Variants in EML5 observed in about 807,000 individuals in gnomAD.
EML5 encodes echinoderm microtubule-associated protein-like 5.
Under a neutral mutation model 250.0 loss-of-function variants are expected in EML5, and 120 were observed. The ratio of observed to expected loss-of-function variants is 0.48; its 90% CI spans 0.41 to 0.56. The LOEUF (loss-of-function observed/expected upper bound fraction) is 0.56. Among genes scored for constraint, EML5 ranks in the 20% least tolerant of loss-of-function variants. EML5 has a pLI of 0.00. For synonymous variants in EML5, 771 were observed against 806.5 expected (o/e 0.96, Z 0.75); for missense variants, 2,006 against 2,437.6 (o/e 0.82, Z 3.73).
At chr14:88,665,887 TAC>T (rs1454288409) in intron 21 of EML5, among the ~76,000 whole-genome samples, 1 of 151,778 alleles carries the variant, frequency 6.6e-6, no homozygotes, top group Non-Finnish European at 1.5e-5. Context: ...CAGCCTGGGT[TAC>T]AGAGTGAGAC....
At chr14:88,636,546 A>G (rs1285964813) in intron 32 of EML5, among the ~76,000 whole-genome samples, 1 of 152,204 alleles carries the variant, frequency 6.6e-6, no homozygotes, top group Non-Finnish European at 1.5e-5. Context: ...CTGTAGTCCC[A>G]GCTACTCAGG....
At chr14:88,662,339 GTTTTTTTTTT>G (rs71127000) in intron 24 of EML5, among the ~76,000 whole-genome samples, 8 of 55,658 alleles carry the variant, frequency 1.4e-4, no homozygotes, top group East Asian at 6.9e-4. Context: ...AATTTTTCTT[GTTTTTTTTTT>G]TTTTTTTTTT....
At chr14:88,635,936 C>T (rs2090700474) in intron 32 of EML5, among the ~76,000 whole-genome samples, 1 of 152,192 alleles carries the variant, frequency 6.6e-6, no homozygotes, top group African/African-American at 2.4e-5. Flanking sequence ...AAGGCCCTCA[C>T]CACAACTTGA....
intron 19 of EML5, among the ~76,000 whole-genome samples, chr14:88,686,353 G>A (rs1318664668): frequency 1.3e-5 from 2 of 151,912 alleles, no homozygotes; most frequent in Non-Finnish European, 1.5e-5. Context: ...GTATACATAT[G>A]TAACAAACCT....
intron 7 of EML5, among the ~76,000 whole-genome samples, chr14:88,731,525 A>C (rs954599108): frequency 3.0e-4 from 45 of 152,160 alleles, no homozygotes; most frequent in Admixed American, 2.2e-3. Flanking sequence ...GCCACAATAA[A>C]CATACGTGTG....
intron 4 of EML5, among the ~76,000 whole-genome samples, chr14:88,741,340 TA>T (rs1489821237): frequency 2.6e-5 from 4 of 152,200 alleles, no homozygotes; most frequent in Admixed American, 1.3e-4. Context: ...CAGCTCACTG[TA>T]ACTATAATAT....
intron 2 of EML5, 76 bp downstream of exon 2, chr14:88,754,432 TAATA>T (rs1339182124): frequency 7.9e-7 from 1 of 1,273,602 alleles, no homozygotes; most frequent in Non-Finnish European, 1.0e-6. Flanking sequence ...GTGTCCAATT[TAATA>T]TTTATAGATT....
intron 27 of EML5, among the ~76,000 whole-genome samples, chr14:88,650,976 T>C (rs866420294): frequency 1.1e-4 from 16 of 152,238 alleles, no homozygotes; most frequent in Middle Eastern, 6.8e-3. Context: ...TTCATATTTA[T>C]GACAGTAATA....
intron 33 of EML5, among the ~76,000 whole-genome samples, chr14:88,634,202 T>G (rs1290548690): frequency 1.3e-5 from 2 of 152,072 alleles, no homozygotes; most frequent in East Asian, 1.9e-4. Flanking sequence ...CTCCCCTTTC[T>G]CTCTCTTCCT....
At chr14:88,691,671 T>A (rs535373710) in intron 17 of EML5, among the ~76,000 whole-genome samples, 1 of 152,192 alleles carries the variant, frequency 6.6e-6, no homozygotes, top group Non-Finnish European at 1.5e-5. Flanking sequence ...AGAAGCCCCA[T>A]GTTAACCTCA....
intron 31 of EML5, among the ~76,000 whole-genome samples, chr14:88,641,182 C>T (rs761864095): frequency 6.6e-6 from 1 of 152,010 alleles, no homozygotes; most frequent in Non-Finnish European, 1.5e-5. Flanking sequence ...CCCAGACATA[C>T]AAAGAAAAGC....
chr14:88,716,902 T>A (rs1322388817), intron 8 of EML5, among the ~76,000 whole-genome samples: 1 of 152,178 alleles, frequency 6.6e-6, no homozygotes, highest in Non-Finnish European at 1.5e-5. Context: ...AGACGACAAC[T>A]ATTAGATGAA....
intron 43 of EML5, 102 bp downstream of exon 43, chr14:88,616,040 G>T: frequency 7.4e-7 from 1 of 1,344,582 alleles, no homozygotes; most frequent in Non-Finnish European, 1.1e-6. Flanking sequence ...TTCTACTAAT[G>T]TTGACTAGCT....
chr14:88,714,382 G>A (rs890422485), intron 9 of EML5, among the ~76,000 whole-genome samples: 3 of 152,168 alleles, frequency 2.0e-5, no homozygotes, highest in Non-Finnish European at 2.9e-5. Flanking sequence ...GGGACTGGGA[G>A]AGGTAGAGGT....
intron 1 of EML5, among the ~76,000 whole-genome samples, chr14:88,769,969 T>G (rs2140574331): frequency 6.6e-6 from 1 of 151,718 alleles, no homozygotes; most frequent in African/African-American, 2.4e-5. Context: ...ATGTGCAGTT[T>G]TTTTTTTTTT....
chr14:88,616,496 G>A (rs2087640607), intron 42 of EML5: 1 of 605,378 alleles, frequency 1.7e-6, no homozygotes. Flanking sequence ...CTGATTATAG[G>A]TTTGGTGAAA....
At chr14:88,771,725 G>T (rs2094395207) in intron 1 of EML5, among the ~76,000 whole-genome samples, 1 of 152,106 alleles carries the variant, frequency 6.6e-6, no homozygotes, top group Non-Finnish European at 1.5e-5. Context: ...TAAACTGTAT[G>T]TCCTTATTCC....
intron 31 of EML5, among the ~76,000 whole-genome samples, chr14:88,641,903 A>T (rs774163169): frequency 1.3e-5 from 2 of 152,222 alleles, no homozygotes; most frequent in Non-Finnish European, 2.9e-5. Flanking sequence ...TTTCTTGTTT[A>T]TCTTACTCTT....
chr14:88,626,715 A>G, intron 35 of EML5, 123 bp downstream of exon 35: 2 of 946,330 alleles, frequency 2.1e-6, no homozygotes, highest in Non-Finnish European at 3.1e-6. Flanking sequence ...TATATGCTTG[A>G]CCAGGGCATG....
Sources: gnomAD v4.1 joint callset for allele counts (sites outside exome capture counted in the v4.1 genomes callset) on GRCh38, gnomAD v4.1.1 for gene constraint, MANE v1.5 for transcripts, NCBI Gene and HGNC (gene_info 2026-07-23, HGNC 2026-07-21) for gene names.